CDH18: variants seen among roughly 807,000 people sequenced by gnomAD.
CDH18 encodes the protein cadherin 18, also known as cadherin-18.
A neutral mutation model predicts 67.9 loss-of-function variants in CDH18; 31 were observed. The ratio of observed to expected loss-of-function variants is 0.46; its 90% confidence interval spans 0.34 to 0.62. CDH18 has a LOEUF of 0.62. Among genes scored for constraint, CDH18 ranks in the 20% least tolerant of loss-of-function variants. The pLI is 0.01. For synonymous variants in CDH18, 362 were observed against 347.2 expected (o/e 1.04, Z -0.48); for missense variants, 890 against 975.5 (o/e 0.91, Z 1.17).
intron 1 of CDH18, among the ~76,000 whole-genome samples, chr5:20,544,423 C>T (rs1757227421): frequency 1.3e-5 from 2 of 152,062 alleles, no homozygotes; most frequent in East Asian, 3.9e-4. Context: ...TCTCACACTG[C>T]TATAAAGATA....
chr5:20,102,444 G>A (rs1251352780), intron 2 of CDH18, among the ~76,000 whole-genome samples: 1 of 152,112 alleles, frequency 6.6e-6, no homozygotes, highest in Non-Finnish European at 1.5e-5. Context: ...ATTACCGGCT[G>A]GGGTTGAGGA....
At chr5:20,205,012 G>T (rs962077740) in intron 2 of CDH18, among the ~76,000 whole-genome samples, 1 of 151,840 alleles carries the variant, frequency 6.6e-6, no homozygotes, top group African/African-American at 2.4e-5. Context: ...GAACAGAGCT[G>T]CAAAACAACC....
At chr5:19,501,198 T>A (rs2126746937) in intron 11 of CDH18, among the ~76,000 whole-genome samples, 1 of 147,984 alleles carries the variant, frequency 6.8e-6, no homozygotes, top group Admixed American at 6.8e-5. Context: ...TACAATTACA[T>A]ATATAAACAT....
chr5:19,962,395 A>AAAAAAATAAAAAT (rs58319680), intron 2 of CDH18, among the ~76,000 whole-genome samples: 1 of 117,060 alleles, frequency 8.5e-6, no homozygotes, highest in Non-Finnish European at 1.7e-5. Flanking sequence ...AAAAAAAAAA[A>AAAAAAATAAAAAT]AGAAAATTCA....
At chr5:19,827,272 A>C (rs556620155) in intron 3 of CDH18, among the ~76,000 whole-genome samples, 6 of 151,852 alleles carry the variant, frequency 4.0e-5, no homozygotes, top group African/African-American at 1.2e-4. Context: ...ATAACACCAC[A>C]GTAATAGTAG....
intron 2 of CDH18, among the ~76,000 whole-genome samples, chr5:20,129,657 T>C (rs1284160027): frequency 6.6e-6 from 1 of 152,062 alleles, no homozygotes; most frequent in Non-Finnish European, 1.5e-5. Context: ...ATAAACCAAG[T>C]AGGCGGAGCT....
At chr5:19,565,726 A>G (rs1740268225) in intron 8 of CDH18, among the ~76,000 whole-genome samples, 1 of 152,238 alleles carries the variant, frequency 6.6e-6, no homozygotes, top group Non-Finnish European at 1.5e-5. Flanking sequence ...TCAATTCAAA[A>G]TGTATTAAAA....
intron 2 of CDH18, among the ~76,000 whole-genome samples, chr5:19,951,972 G>T (rs1795834912): frequency 6.6e-6 from 1 of 152,226 alleles, no homozygotes; most frequent in African/African-American, 2.4e-5. Flanking sequence ...AAGCCAAAAA[G>T]ATAAGTACTG....
At chr5:20,532,796 T>C (rs568462840) in intron 1 of CDH18, among the ~76,000 whole-genome samples, 1 of 152,162 alleles carries the variant, frequency 6.6e-6, no homozygotes, top group South Asian at 2.1e-4. Flanking sequence ...ATCCATTGTT[T>C]AGTTAACCAT....
chr5:19,704,191 G>A (rs1185149155), intron 5 of CDH18, among the ~76,000 whole-genome samples: 1 of 152,134 alleles, frequency 6.6e-6, no homozygotes, highest in African/African-American at 2.4e-5. Context: ...TAACTATTCA[G>A]GGAAAGAAAT....
chr5:19,889,648 T>C (rs1162163624), intron 2 of CDH18, among the ~76,000 whole-genome samples: 2 of 152,056 alleles, frequency 1.3e-5, no homozygotes, highest in Non-Finnish European at 2.9e-5. Context: ...AGGCCTAGGG[T>C]TTTCCTTAAG....
intron 2 of CDH18, among the ~76,000 whole-genome samples, chr5:20,130,401 GTTTTT>G (rs4002156): frequency 7.0e-6 from 1 of 143,862 alleles, no homozygotes; most frequent in Admixed American, 6.9e-5. Flanking sequence ...CTCTTCCTTA[GTTTTT>G]TTTTTTTTTT....
intron 2 of CDH18, among the ~76,000 whole-genome samples, chr5:20,084,744 G>A (rs765044869): frequency 1.3e-5 from 2 of 152,178 alleles, no homozygotes; most frequent in Non-Finnish European, 2.9e-5. Context: ...GAACCGCCAA[G>A]CTTGAGGCTT....
chr5:20,095,589 G>GAAGAAAGAAAGAAAGAAAGA lies in CDH18; in HGVS notation c.-517-103576_-517-103575insTCTTTCTTTCTTTCTTTCTT, dbSNP rs775835944. 1.7e-3 allele frequency among the ~76,000 whole-genome samples: 244 copies of GAAGAAAGAAAGAAAGAAAGA among 141,852 alleles called. 5 individuals are homozygous for GAAGAAAGAAAGAAAGAAAGA. The highest frequency in any genetic ancestry group is 0.011 in the Middle Eastern group (3 of 278). The allele number at this position is 141,852 out of a possible 152,430, so 93.1% of individuals were successfully genotyped here. A position where few individuals can be genotyped will look rare whatever the true frequency, so the allele number is the denominator to read the frequency against. ...GAAAGAAAGGAAGAAAGGAAGAAAG[G>GAAGAAAGAAAGAAAGAAAGA]AAGAAAGAAGAAAGAAAGAAAAGAA... On this transcript the variant is annotated intron_variant, in intron 2 of 14. Transcript: ENST00000507958.
At chr5:20,158,074 G>C (rs1030740161) in intron 2 of CDH18, among the ~76,000 whole-genome samples, 2 of 152,038 alleles carry the variant, frequency 1.3e-5, no homozygotes, top group African/African-American at 4.8e-5. Context: ...TTGTGAATTG[G>C]AGTATTTCAT....
chr5:20,422,312 A>T (rs10941766), intron 1 of CDH18, among the ~76,000 whole-genome samples: 1 of 150,688 alleles, frequency 6.6e-6, no homozygotes, highest in Middle Eastern at 3.6e-3. Flanking sequence ...TTAAAAATAC[A>T]TGTGATCATA....
At chr5:20,154,624 CTG>C (rs1751381114) in intron 2 of CDH18, among the ~76,000 whole-genome samples, 1 of 152,152 alleles carries the variant, frequency 6.6e-6, no homozygotes, top group African/African-American at 2.4e-5. Flanking sequence ...CCCTCAGTCT[CTG>C]TGCCATTCTT....
At chr5:19,544,157 C>T (rs955503236) in intron 8 of CDH18, 152 bp from the exon 9 acceptor site, 1 of 404,836 alleles carries the variant, frequency 2.5e-6, no homozygotes, top group South Asian at 7.8e-5. Flanking sequence ...TTTTATAGAA[C>T]TTATATCAAT....
intron 2 of CDH18, among the ~76,000 whole-genome samples, chr5:20,065,181 TA>T (rs1016147662): frequency 6.6e-6 from 1 of 151,974 alleles, no homozygotes; most frequent in South Asian, 2.1e-4. Flanking sequence ...AAGTTAAGTT[TA>T]AAAAAATGGC....
Sources: gnomAD v4.1 joint callset for allele counts (sites outside exome capture counted in the v4.1 genomes callset) on GRCh38, gnomAD v4.1.1 for gene constraint, MANE v1.5 for transcripts, NCBI Gene and HGNC (gene_info 2026-07-23, HGNC 2026-07-21) for gene names.